The following NAALADL2 variants were observed in gnomAD, a reference collection of about 807,000 sequenced individuals.
NAALADL2 encodes the protein inactive N-acetylated-alpha-linked acidic dipeptidase-like protein 2.
A neutral mutation model predicts 87.2 loss-of-function variants in NAALADL2; 76 were observed. That is an observed-to-expected ratio of 0.87 (90% CI 0.72 to 1.05). NAALADL2 has a LOEUF of 1.05. Ranked by LOEUF, NAALADL2 falls within the 50% of genes least tolerant of loss-of-function variation. The pLI, the probability that NAALADL2 is intolerant of heterozygous loss-of-function variation, is 0.00. For synonymous variants in NAALADL2, 354 were observed against 331.0 expected (o/e 1.07, Z -0.75); for missense variants, 1,089 against 945.8 (o/e 1.15, Z -1.99).
chr3:175,019,484 G>A (rs544926913), intron 1 of NAALADL2, among the ~76,000 whole-genome samples: 42 of 151,996 alleles, frequency 2.8e-4, no homozygotes, highest in African/African-American at 9.9e-4. Flanking sequence ...ACATGGCTTT[G>A]GCAGATTCTA....
At chr3:175,067,741 A>G (rs1248953240) in intron 1 of NAALADL2, among the ~76,000 whole-genome samples, 1 of 152,098 alleles carries the variant, frequency 6.6e-6, no homozygotes, top group African/African-American at 2.4e-5. Context: ...CCTACTAGGT[A>G]TATATCCAAA....
chr3:175,165,067 A>G (rs980696407), intron 2 of NAALADL2, among the ~76,000 whole-genome samples: 2 of 152,120 alleles, frequency 1.3e-5, no homozygotes, highest in African/African-American at 4.8e-5. Context: ...TGAATGTGCT[A>G]TATCTGTCCA....
chr3:175,256,831 T>C (rs1750036385), intron 4 of NAALADL2: 1 of 189,426 alleles, frequency 5.3e-6, no homozygotes, highest in African/African-American at 2.3e-5. Flanking sequence ...CTCTTCATAA[T>C]GGTACCTATC....
At chr3:174,554,497 C>T (rs528777004) in intron 2 of NAALADL2, among the ~76,000 whole-genome samples, 4 of 151,642 alleles carry the variant, frequency 2.6e-5, no homozygotes, top group African/African-American at 9.7e-5. Context: ...CCTTCCTTTT[C>T]TCCCCTCCTT....
intron 9 of NAALADL2, among the ~76,000 whole-genome samples, chr3:175,519,704 G>A (rs1188870413): frequency 3.9e-5 from 6 of 152,086 alleles, no homozygotes; most frequent in South Asian, 2.1e-4. Context: ...CCTATTCACC[G>A]AAATAAAAGA....
chr3:175,175,262 C>G (rs1044332356), intron 2 of NAALADL2, among the ~76,000 whole-genome samples: 3 of 152,072 alleles, frequency 2.0e-5, no homozygotes, highest in African/African-American at 7.2e-5. Context: ...AACTTTTTAA[C>G]ATCATTTTGC....
chr3:174,643,921 T>C (rs927010678), intron 2 of NAALADL2, among the ~76,000 whole-genome samples: 5 of 152,174 alleles, frequency 3.3e-5, no homozygotes, highest in African/African-American at 1.2e-4. Flanking sequence ...AAAGATCCTG[T>C]ATTTCTTTTA....
intron 11 of NAALADL2, among the ~76,000 whole-genome samples, chr3:175,704,741 C>T (rs1739446579): frequency 6.6e-6 from 1 of 152,152 alleles, no homozygotes; most frequent in South Asian, 2.1e-4. Flanking sequence ...CAAGCATATT[C>T]ATATTTCCCC....
intron 1 of NAALADL2, among the ~76,000 whole-genome samples, chr3:175,069,943 A>G (rs1311054842): frequency 2.0e-5 from 3 of 147,520 alleles, no homozygotes; most frequent in African/African-American, 7.4e-5. Flanking sequence ...ATTCTCACTC[A>G]TAGGTGAGAA....
chr3:174,641,308 G>C (rs1723164893), intron 2 of NAALADL2, among the ~76,000 whole-genome samples: 1 of 152,176 alleles, frequency 6.6e-6, no homozygotes, highest in South Asian at 2.1e-4. Context: ...CCTGAGCGGA[G>C]GTTCAGCAGC....
intron 4 of NAALADL2, among the ~76,000 whole-genome samples, chr3:175,299,921 G>A (rs950876595): frequency 1.3e-5 from 2 of 152,098 alleles, no homozygotes; most frequent in African/African-American, 2.4e-5. Context: ...TTGGCTGTGG[G>A]TTTGTCATAA....
Position 175,304,636 on chromosome 3 carries a change from G to A in NAALADL2, c.940-19539G>A, listed in dbSNP as rs28379038. ...CGCAGGGTGTGCTCAGCAGCTGCCA[G>A]ACCAGATGCTCCACTGCTGGATATT... is the stretch of plus-strand genomic sequence containing the variant. On this transcript the variant is annotated intron_variant, in intron 4 of 13. Transcript: ENST00000454872. Among the ~76,000 whole-genome samples the A allele has an allele frequency of 5.9e-5, 9 of 152,224 alleles. 1 individual carries two copies. Among genetic ancestry groups the A allele is most frequent in the Admixed American group, 2.6e-4 (4 of 15,290 alleles).
chr3:174,712,269 A>T (rs528202444), intron 2 of NAALADL2, among the ~76,000 whole-genome samples: 2 of 151,890 alleles, frequency 1.3e-5, no homozygotes, highest in African/African-American at 4.8e-5. Context: ...TTCTAATGGG[A>T]TAAATAAGGG....
At chr3:175,756,262 T>C (rs944893348) in intron 13 of NAALADL2, among the ~76,000 whole-genome samples, 3 of 152,276 alleles carry the variant, frequency 2.0e-5, no homozygotes, top group Middle Eastern at 3.4e-3. Flanking sequence ...GAAAACAGTA[T>C]GAGATTCCTC....
chr3:175,140,203 T>G (rs759477021), intron 2 of NAALADL2, among the ~76,000 whole-genome samples: 2 of 152,136 alleles, frequency 1.3e-5, no homozygotes, highest in Non-Finnish European at 2.9e-5. Flanking sequence ...AAGATTAAAT[T>G]AAATGCTGCA....
chr3:175,349,772 G>A (rs754885122), intron 5 of NAALADL2, among the ~76,000 whole-genome samples: 5 of 151,994 alleles, frequency 3.3e-5, no homozygotes, highest in East Asian at 1.9e-4. Context: ...ATATACCCCC[G>A]TTTTTAAAAA....
Position 175,243,084 on chromosome 3 carries a change from C to CAT in NAALADL2, c.819+8881_819+8882insTA, listed in dbSNP as rs575288809. ...ATCCTTTCCATAACACACACACACA[C>CAT]ACACACACACGCACACACACACACT... On this transcript the variant is annotated intron_variant, in intron 3 of 13. Transcript: ENST00000454872. Among the ~76,000 whole-genome samples, 169 of 151,644 alleles carry CAT rather than the reference C, an allele frequency of 1.1e-3. 1 individual carries two copies. Among genetic ancestry groups the CAT allele is most frequent in the Middle Eastern group, 6.9e-3 (2 of 288 alleles).
chr3:175,788,863 C>T (rs376208458), intron 13 of NAALADL2, among the ~76,000 whole-genome samples: 43 of 152,054 alleles, frequency 2.8e-4, no homozygotes, highest in African/African-American at 9.2e-4. Flanking sequence ...TGACAGGCTG[C>T]GATGTCCACT....
intron 3 of NAALADL2, among the ~76,000 whole-genome samples, chr3:174,824,384 C>G (rs1184360592): frequency 1.3e-5 from 2 of 152,118 alleles, no homozygotes; most frequent in Non-Finnish European, 2.9e-5. Flanking sequence ...CCCAATATTT[C>G]TGATGAATAT....
Sources: gnomAD v4.1 joint callset for allele counts (sites outside exome capture counted in the v4.1 genomes callset) on GRCh38, gnomAD v4.1.1 for gene constraint, MANE v1.5 for transcripts, NCBI Gene and HGNC (gene_info 2026-07-23, HGNC 2026-07-21) for gene names.